Variants in PARVG observed in about 807,000 individuals in gnomAD.
PARVG encodes parvin gamma, also known as gamma-parvin.
PARVG carries 36 observed loss-of-function variants against 44.4 expected under a neutral mutation model. The ratio of observed to expected loss-of-function variants is 0.81; its 90% CI spans 0.62 to 1.07. The LOEUF is 1.07. PARVG is among the 50% of genes least tolerant of loss of function. The probability of loss-of-function intolerance (pLI) is 0.00; values close to 1 mark genes in which losing one functional copy is unlikely to be tolerated. For synonymous variants in PARVG, 170 were observed against 174.1 expected, an observed-to-expected ratio of 0.98 and a Z score of 0.19; for missense variants, 407 against 407.4, an observed-to-expected ratio of 1.00 and a Z score of 0.01.
chr22:44,196,511 G>A (rs2054619919), intron 11 of PARVG, 96 bp downstream of exon 11: 1 of 1,458,030 alleles, frequency 6.9e-7, no homozygotes. Flanking sequence ...GCTGTGTGGT[G>A]GGGGTTGCAT....
At chr22:44,176,690 G>T (rs751347514), upstream of PARVG, among the ~76,000 whole-genome samples, 1 of 150,764 alleles carries the variant, frequency 6.6e-6, no homozygotes, top group Non-Finnish European at 1.5e-5. Context: ...TTTCAAACCC[G>T]CAGAAAAGTT....
intron 1 of PARVG, among the ~76,000 whole-genome samples, chr22:44,173,386 C>T (rs530650165): frequency 2.0e-5 from 3 of 152,092 alleles, no homozygotes; most frequent in African/African-American, 4.8e-5. Flanking sequence ...CCCTGTGTGG[C>T]GGAGATGGTG....
intron 12 of PARVG, among the ~76,000 whole-genome samples, chr22:44,204,891 C>T (rs770085820): frequency 1.5e-4 from 23 of 151,808 alleles, no homozygotes; most frequent in East Asian, 3.9e-4. Context: ...TGCTTGTAGA[C>T]GAGGCCCAAG....
At chr22:44,204,361 C>T (rs73426497) in intron 12 of PARVG, among the ~76,000 whole-genome samples, 3,145 of 152,322 alleles carry the variant, frequency 0.021, 120 homozygotes, top group African/African-American at 0.072. Context: ...TCACATTGGA[C>T]GCACATGGCA....
chr22:44,196,524 C>A, intron 11 of PARVG, 109 bp downstream of exon 11: 1 of 1,211,182 alleles, frequency 8.3e-7, no homozygotes, highest in East Asian at 2.4e-5. Flanking sequence ...GGTTGCATCA[C>A]CTCTTGGAGC....
intron 1 of PARVG, among the ~76,000 whole-genome samples, chr22:44,173,549 A>G (rs1192237922): frequency 6.6e-6 from 1 of 151,860 alleles, no homozygotes; most frequent in Non-Finnish European, 1.5e-5. Flanking sequence ...TTAAAAAAAA[A>G]TAAGCTAAAA....
At chr22:44,196,939 C>T (rs1331469290) in intron 11 of PARVG, among the ~76,000 whole-genome samples, 1 of 152,204 alleles carries the variant, frequency 6.6e-6, no homozygotes, top group African/African-American at 2.4e-5. Flanking sequence ...CCACCATGGG[C>T]TGTGGCTTTC....
At chr22:44,199,583 C>T (rs984266611) in intron 12 of PARVG, among the ~76,000 whole-genome samples, 9 of 152,128 alleles carry the variant, frequency 5.9e-5, no homozygotes, top group African/African-American at 1.4e-4. Flanking sequence ...CTCCTAGTGA[C>T]GTGTGGTCTT....
At chr22:44,185,927 A>G (rs2054461015) in intron 4 of PARVG, 55 bp downstream of exon 4, 1 of 1,547,120 alleles carries the variant, frequency 6.5e-7, no homozygotes, top group South Asian at 1.1e-5. Context: ...CAGACCAGGC[A>G]GCGGCCTCCA....
At position 44,182,839 on chromosome 22, in the gene PARVG, C is replaced by T. The variant is rs541407271; in HGVS notation, c.-12-479C>T. 1.8e-4 allele frequency among the ~76,000 whole-genome samples: 28 copies of T among 152,258 alleles called. 1 individual carries two copies. In the Middle Eastern group the frequency reaches 0.01, roughly 55 times the overall value. ...GTGCCTCTGTCAACCCTGGCCCTTC[C>T]GGTTTATGGGATGGGAGATGTCACC... On this transcript the variant is annotated intron_variant, in intron 2 of 13. Transcript: ENST00000444313. The surrounding 1 kb of genome is among the most constrained non-coding windows in gnomAD (Gnocchi z 4.6).
chr22:44,179,000 A>G (rs1461600850), upstream of PARVG, among the ~76,000 whole-genome samples: 2 of 152,166 alleles, frequency 1.3e-5, no homozygotes, highest in African/African-American at 4.8e-5. Flanking sequence ...TTTTTTATTA[A>G]TTTTTAAAAA....
At chr22:44,173,725 G>A (rs1296511859) in intron 1 of PARVG, among the ~76,000 whole-genome samples, 5 of 152,202 alleles carry the variant, frequency 3.3e-5, no homozygotes, top group Non-Finnish European at 7.3e-5. Context: ...GTCAGCCATT[G>A]TCAGCAGAGA....
chr22:44,205,229 G>A lies in PARVG; in HGVS notation c.814-528G>A, dbSNP rs139993707. 3.3e-5 allele frequency among the ~76,000 whole-genome samples: 5 copies of A among 152,324 alleles called. No individual in the cohort carries two copies. The East Asian group carries it at 7.7e-4, about 24-fold the overall frequency. ...ATTGGAGCGGACAGACCTGGTTTGA[G>A]CGCTTTCTGTCTCGTGAGCTCCAGT... On this transcript the variant is annotated intron_variant, in intron 12 of 13. Transcript: ENST00000444313.
rs748206302 is a variant in PARVG, at chr22:44,187,868, C to T, written c.237C>T (p.His79=). Residue 79 remains histidine, a synonymous_variant, in exon 5 of 14, where the codon CAC becomes CAT. Coordinates refer to ENST00000444313, the MANE Select transcript of PARVG (RefSeq NM_022141.7). ...EEDMFDGLIL[H]HLFQRLAALK... The stretch of plus-strand genomic sequence containing the variant: ...ACATGTTCGACGGGCTCATCCTACA[C>T]CACCTATTCCGTAAGTGGCTGTTTC... 6.2e-7 allele frequency: 1 copy of T among 1,614,214 alleles called. No homozygotes were observed. The highest frequency in any genetic ancestry group is 1.1e-5 in the South Asian group (1 of 91,088).
At chr22:44,193,243 A>G (rs1014611335) in intron 8 of PARVG, among the ~76,000 whole-genome samples, 3 of 152,176 alleles carry the variant, frequency 2.0e-5, no homozygotes, top group Non-Finnish European at 2.9e-5. Context: ...AAGAAGAAAA[A>G]TTGTTCAAAA....
At chr22:44,197,776 G>A (rs1044713343) in intron 11 of PARVG, among the ~76,000 whole-genome samples, 2 of 152,154 alleles carry the variant, frequency 1.3e-5, no homozygotes, top group African/African-American at 2.4e-5. Flanking sequence ...TGAGCCCCAC[G>A]TGTTTGGTAT....
At chr22:44,192,909 G>A (rs2054569406) in intron 8 of PARVG, among the ~76,000 whole-genome samples, 1 of 152,240 alleles carries the variant, frequency 6.6e-6, no homozygotes, top group Non-Finnish European at 1.5e-5. Context: ...CTGCCAACAG[G>A]TCCACCGTTG....
Position 44,206,399 on chromosome 22 carries a change from C to G in PARVG, c.969C>G (p.Asp323Glu), listed in dbSNP as rs2054782277. 3 of 1,613,958 alleles carry G rather than the reference C, an allele frequency of 1.9e-6. No homozygotes were observed. Among genetic ancestry groups the G allele is most frequent in the African/African-American group, 1.3e-5 (1 of 74,894 alleles). Residue 323 changes from aspartate to glutamate, a missense_variant, in exon 14 of 14, where the codon GAC becomes GAG. Physicochemically the swap from Asp to Glu is conservative, Grantham distance 45. Coordinates refer to ENST00000444313, the MANE Select transcript of PARVG (RefSeq NM_022141.7). ...AGCACACGCAGAAGGCACACAGGGA[C>G]AGGACGCCCCATGGAGCCCCGAATT... ...FCKHTQKAHR[D>E]RTPHGAPN
chr22:44,204,167 A>G (rs974664906), intron 12 of PARVG, among the ~76,000 whole-genome samples: 2 of 152,102 alleles, frequency 1.3e-5, no homozygotes, highest in African/African-American at 2.4e-5. Flanking sequence ...TTGGCTGACT[A>G]CAGAGGAGCG....
Sources: gnomAD v4.1 joint callset for allele counts (sites outside exome capture counted in the v4.1 genomes callset) on GRCh38, gnomAD v4.1.1 for gene constraint, Gnocchi (gnomAD v3.1) non-coding constraint, MANE v1.5 for transcripts, NCBI Gene and HGNC (gene_info 2026-07-23, HGNC 2026-07-21) for gene names.